The following DDAH1 variants were observed in gnomAD, a reference collection of about 807,000 sequenced individuals.
DDAH1 encodes the protein N(G),N(G)-dimethylarginine dimethylaminohydrolase 1.
In DDAH1, 19 loss-of-function variants were observed where a neutral mutation model predicts 28.8. The ratio of observed to expected loss-of-function variants is 0.66; its 90% confidence interval spans 0.46 to 0.97. The LOEUF is 0.97. Ranked by LOEUF, DDAH1 falls within the 50% of genes least tolerant of loss-of-function variation. The pLI is 0.00. For synonymous variants in DDAH1, 153 were observed against 154.4 expected (o/e 0.99, Z 0.07); for missense variants, 326 against 375.9 (o/e 0.87, Z 1.10).
chr1:85,438,024 G>A (rs1035577427), intron 1 of DDAH1, among the ~76,000 whole-genome samples: 3 of 152,156 alleles, frequency 2.0e-5, no homozygotes, highest in East Asian at 1.9e-4. Context: ...CATGTCCTTC[G>A]CCGCAACATG....
chr1:85,322,820 G>C (rs1196119555), intron 5 of DDAH1, among the ~76,000 whole-genome samples: 2 of 152,150 alleles, frequency 1.3e-5, no homozygotes, highest in Non-Finnish European at 2.9e-5. Context: ...GGCTGAATCA[G>C]GGGGGCAGTG....
intron 2 of DDAH1, among the ~76,000 whole-genome samples, chr1:85,354,631 T>C (rs539788031): frequency 6.6e-6 from 1 of 152,212 alleles, no homozygotes; most frequent in South Asian, 2.1e-4. Flanking sequence ...GAGTTAGTGT[T>C]CCACCAACTT....
At chr1:85,456,666 A>G (rs1370407177) in intron 1 of DDAH1, among the ~76,000 whole-genome samples, 1 of 152,242 alleles carries the variant, frequency 6.6e-6, no homozygotes, top group East Asian at 1.9e-4. Flanking sequence ...TGTATTTTCA[A>G]TTTATGATAT....
chr1:85,508,170 C>T (rs573013066), intron 1 of DDAH1, among the ~76,000 whole-genome samples: 3 of 152,284 alleles, frequency 2.0e-5, no homozygotes, highest in South Asian at 2.1e-4. Context: ...TGTGAATAAC[C>T]GGTTCTGCAA....
At chr1:85,497,808 A>G (rs1303773863) in intron 1 of DDAH1, among the ~76,000 whole-genome samples, 1 of 152,244 alleles carries the variant, frequency 6.6e-6, no homozygotes, top group African/African-American at 2.4e-5. Context: ...GTTATATATT[A>G]TTAAATCATC....
At chr1:85,459,432 T>C (rs1163440373) in intron 1 of DDAH1, among the ~76,000 whole-genome samples, 1 of 152,212 alleles carries the variant, frequency 6.6e-6, no homozygotes, top group East Asian at 1.9e-4. Flanking sequence ...GACTACATTA[T>C]TGGATGCATC....
At chr1:85,394,397 T>A (rs1448936976) in intron 1 of DDAH1, among the ~76,000 whole-genome samples, 1 of 152,220 alleles carries the variant, frequency 6.6e-6, no homozygotes, top group African/African-American at 2.4e-5. Context: ...GGCTGCCCCG[T>A]CTTGGACTTT....
chr1:85,551,181 A>G (rs1658777418), intron 1 of DDAH1, among the ~76,000 whole-genome samples: 2 of 152,220 alleles, frequency 1.3e-5, no homozygotes, highest in African/African-American at 4.8e-5. Context: ...CTGACAATCC[A>G]GGGGACTACA....
intron 1 of DDAH1, among the ~76,000 whole-genome samples, chr1:85,415,005 C>CTTTTTT (rs71727580): frequency 6.9e-5 from 4 of 57,606 alleles, no homozygotes; most frequent in Non-Finnish European, 3.2e-5. Context: ...TCAAGTGTTG[C>CTTTTTT]TTTTTTTTTT....
chr1:85,455,307 T>C (rs568555652), intron 1 of DDAH1, among the ~76,000 whole-genome samples: 1 of 152,342 alleles, frequency 6.6e-6, no homozygotes, highest in East Asian at 1.9e-4. Context: ...ATTTTGAAAC[T>C]GCACCAAGAT....
chr1:85,571,202 A>G (rs1398048002), intron 1 of DDAH1, among the ~76,000 whole-genome samples: 1 of 152,186 alleles, frequency 6.6e-6, no homozygotes, highest in African/African-American at 2.4e-5. Flanking sequence ...AGAAGGATCC[A>G]TAATGATAAG....
chr1:85,514,150 A>G (rs1657358189), intron 1 of DDAH1, among the ~76,000 whole-genome samples: 1 of 152,240 alleles, frequency 6.6e-6, no homozygotes, highest in South Asian at 2.1e-4. Context: ...TGGCACATAT[A>G]CACCATGGAT....
chr1:85,410,872 T>A (rs1652623290), intron 1 of DDAH1, among the ~76,000 whole-genome samples: 1 of 152,182 alleles, frequency 6.6e-6, no homozygotes, highest in African/African-American at 2.4e-5. Context: ...ATGAGAAATA[T>A]CCCCCTGCTT....
intron 1 of DDAH1, among the ~76,000 whole-genome samples, chr1:85,525,212 A>G (rs1224164599): frequency 1.3e-5 from 2 of 151,972 alleles, no homozygotes; most frequent in Non-Finnish European, 2.9e-5. Flanking sequence ...CCAAAATAAT[A>G]ACTTGGAGTA....
intron 5 of DDAH1, among the ~76,000 whole-genome samples, chr1:85,322,556 T>C (rs1416904421): frequency 6.6e-6 from 1 of 152,230 alleles, no homozygotes; most frequent in African/African-American, 2.4e-5. Context: ...ATTAAGAGTG[T>C]TGGAGCCAGA....
chr1:85,502,851 G>A (rs1445478446), intron 1 of DDAH1, among the ~76,000 whole-genome samples: 1 of 152,124 alleles, frequency 6.6e-6, no homozygotes, highest in African/African-American at 2.4e-5. Flanking sequence ...CAGAGCCATG[G>A]GGAAGCCCTG....
intron 1 of DDAH1, among the ~76,000 whole-genome samples, chr1:85,556,184 A>G (rs2100799843): frequency 6.6e-6 from 1 of 151,552 alleles, no homozygotes; most frequent in Non-Finnish European, 1.5e-5. Flanking sequence ...TGGGAACCAA[A>G]GCCAAAAAAT....
At chr1:85,425,339 C>T (rs548875793) in intron 1 of DDAH1, among the ~76,000 whole-genome samples, 7 of 151,814 alleles carry the variant, frequency 4.6e-5, no homozygotes, top group Admixed American at 1.3e-4. Flanking sequence ...TTTATTGATC[C>T]GAATTTGTAT....
intron 1 of DDAH1, among the ~76,000 whole-genome samples, chr1:85,549,819 G>C (rs919348967): frequency 2.6e-5 from 4 of 152,156 alleles, no homozygotes; most frequent in African/African-American, 9.7e-5. Flanking sequence ...TCAGTAGAAT[G>C]AGTTTATTCT....
Sources: allele counts gnomAD v4.1 joint callset (sites outside exome capture counted in the v4.1 genomes callset), GRCh38; gene constraint gnomAD v4.1.1; transcripts MANE v1.5; gene names NCBI Gene and HGNC (gene_info 2026-07-23, HGNC 2026-07-21).